The following SCML2 variants were observed in gnomAD, a reference collection of about 807,000 sequenced individuals.
The protein encoded by SCML2 is Scm polycomb group protein like 2.
SCML2 carries 6 observed loss-of-function variants against 48.4 expected under a neutral mutation model. That is an observed-to-expected ratio of 0.12 (90% CI 0.07 to 0.24). SCML2 has a LOEUF of 0.24. SCML2 is among the 10% of genes least tolerant of loss of function. SCML2 has a pLI of 1.00. For missense variants in SCML2, 377 were observed against 528.2 expected (o/e 0.71, Z 2.81); for synonymous variants, 181 against 189.5 (o/e 0.95, Z 0.37).
At chrX:18,345,345 T>C (rs1160916073) in intron 1 of SCML2, among the ~76,000 whole-genome samples, 1 of 111,845 alleles carries the variant, frequency 8.9e-6, no homozygotes, top group Middle Eastern at 4.2e-3. Context: ...TGCTGTGCTA[T>C]AGGCTGCTTG....
chrX:18,285,634 T>C (rs1255766320), intron 7 of SCML2, among the ~76,000 whole-genome samples: 1 of 110,894 alleles, frequency 9.0e-6, no homozygotes, highest in African/African-American at 3.3e-5. Context: ...CATGTAACAA[T>C]CCTGTACATG....
chrX:18,283,991 C>CA (rs902180690), intron 7 of SCML2, among the ~76,000 whole-genome samples: 3 of 111,777 alleles, frequency 2.7e-5, no homozygotes, highest in African/African-American at 9.7e-5. Flanking sequence ...CAATCCTACA[C>CA]AAAAAAGAAC....
chrX:18,275,928 C>A (rs375689849), intron 7 of SCML2, among the ~76,000 whole-genome samples: 6 of 112,442 alleles, frequency 5.3e-5, no homozygotes, highest in African/African-American at 1.9e-4. Flanking sequence ...CAAATAACAA[C>A]CGTTGGCAAG....
chrX:18,289,580 C>T (rs1171301204), intron 7 of SCML2, among the ~76,000 whole-genome samples: 4 of 111,839 alleles, frequency 3.6e-5, no homozygotes, highest in Non-Finnish European at 7.5e-5. Context: ...GGGACTAACA[C>T]ACCTCGAACT....
At chrX:18,250,108 C>A (rs868031247) in intron 11 of SCML2, among the ~76,000 whole-genome samples, 13 of 99,207 alleles carry the variant, frequency 1.3e-4, no homozygotes, top group Non-Finnish European at 1.4e-4. Context: ...CAGTTTTCAA[C>A]AAAAAAAAAA....
intron 6 of SCML2, among the ~76,000 whole-genome samples, chrX:18,319,608 C>A (rs5909451): frequency 0.27 from 24,419 of 88,809 alleles, 3,086 homozygotes; most frequent in African/African-American, 0.45. Context: ...AAAAAAAAAA[C>A]AAAAAAAAAA....
rs190953581 is a variant in SCML2 at position 18,271,304 on chromosome X, A to G, written c.731-5502T>C. 1.7e-3 allele frequency among the ~76,000 whole-genome samples: 192 copies of G among 111,036 alleles called. 3 individuals carry two copies. Among genetic ancestry groups the G allele is most frequent in the African/African-American group, 6.0e-3 (183 of 30,554 alleles). On this transcript the variant is annotated intron_variant, in intron 7 of 14. Transcript: ENST00000251900. ...TGTGAGGTTAGGTAACTGAGCCAAG[A>G]GCACCCATGTGGTTAAGAGTGTTTG...
chrX:18,275,977 G>T (rs893868786), intron 7 of SCML2, among the ~76,000 whole-genome samples: 3 of 112,407 alleles, frequency 2.7e-5, no homozygotes, highest in African/African-American at 9.7e-5. Flanking sequence ...CTGCTAGTGA[G>T]AATGTAAAGT....
chrX:18,316,741 C>T lies in SCML2; in HGVS notation c.486+3591G>A, dbSNP rs187028903. Among the ~76,000 whole-genome samples the T allele has an allele frequency of 4.6e-3, 510 of 112,002 alleles. 5 individuals carry two copies. Among genetic ancestry groups the T allele is most frequent in the African/African-American group, 0.016 (478 of 30,786 alleles). Reference sequence around the variant, plus strand: ...GTGAGCAGCAGGCAAGCAAGCAAATCTCCATCTGTATTTACAGCTGCTCCC... The same window carrying T: ...GTGAGCAGCAGGCAAGCAAGCAAATTTCCATCTGTATTTACAGCTGCTCCC... On this transcript the variant is annotated intron_variant, in intron 6 of 14. Transcript: ENST00000251900.
intron 8 of SCML2, among the ~76,000 whole-genome samples, chrX:18,263,933 T>TCA (rs1461348460): frequency 3.4e-4 from 38 of 110,870 alleles, no homozygotes; most frequent in Admixed American, 5.8e-4. Flanking sequence ...GCATGTACTT[T>TCA]TTCATTCTTA....
chrX:18,269,994 A>T (rs1274556284), intron 7 of SCML2, among the ~76,000 whole-genome samples: 1 of 106,191 alleles, frequency 9.4e-6, no homozygotes, highest in Non-Finnish European at 1.9e-5. Context: ...GCATATATGT[A>T]TGTATGAGCA....
At chrX:18,311,667 A>C (rs953412571) in intron 6 of SCML2, among the ~76,000 whole-genome samples, 1 of 112,353 alleles carries the variant, frequency 8.9e-6, no homozygotes, top group African/African-American at 3.2e-5. Context: ...ATGAGGGGTC[A>C]TATCATATAT....
chrX:18,322,667 G>T (rs1446742176), intron 5 of SCML2, among the ~76,000 whole-genome samples: 5 of 111,576 alleles, frequency 4.5e-5, no homozygotes, highest in Middle Eastern at 4.6e-3. Context: ...GCCGAGGTGG[G>T]AAGATCACCT....
At chrX:18,256,744 G>C in intron 11 of SCML2, 104 bp downstream of exon 11, 1 of 626,555 alleles carries the variant, frequency 1.6e-6, no homozygotes, top group Non-Finnish European at 2.4e-6. Flanking sequence ...TTTCTAATTA[G>C]TTCACTGTGG....
intron 7 of SCML2, among the ~76,000 whole-genome samples, chrX:18,281,191 C>T (rs1048657353): frequency 7.1e-5 from 8 of 112,816 alleles, no homozygotes; most frequent in South Asian, 3.6e-4. Flanking sequence ...GAAATCACTA[C>T]CAAGATCTCT....
At chrX:18,347,473 C>T (rs1370434935) in intron 1 of SCML2, among the ~76,000 whole-genome samples, 1 of 107,558 alleles carries the variant, frequency 9.3e-6, no homozygotes, top group Non-Finnish European at 1.9e-5. Context: ...ATTTTTAGGC[C>T]GGGCGCAGGG....
intron 7 of SCML2, among the ~76,000 whole-genome samples, chrX:18,287,342 A>G (rs1438178994): frequency 1.8e-5 from 2 of 111,626 alleles, no homozygotes; most frequent in Non-Finnish European, 3.8e-5. Context: ...ATATATTGAA[A>G]GGATCTATAG....
intron 11 of SCML2, 131 bp downstream of exon 11, chrX:18,256,717 C>G (rs1926856327): frequency 2.2e-6 from 1 of 460,700 alleles, no homozygotes; most frequent in East Asian, 4.1e-5. Context: ...TGAACAAAAA[C>G]AACTATATGT....
chrX:18,267,181 C>G (rs1927284752), intron 7 of SCML2, among the ~76,000 whole-genome samples: 1 of 111,823 alleles, frequency 8.9e-6, no homozygotes, highest in South Asian at 3.7e-4. Context: ...CCAAGACAAC[C>G]AACCATGTCC....
Sources: allele counts gnomAD v4.1 joint callset (sites outside exome capture counted in the v4.1 genomes callset), GRCh38; gene constraint gnomAD v4.1.1; transcripts MANE v1.5; gene names NCBI Gene and HGNC (gene_info 2026-07-23, HGNC 2026-07-21).